The following MOSPD1 variants were observed in gnomAD, a reference collection of about 807,000 sequenced individuals.
MOSPD1 encodes the protein motile sperm domain containing 1.
Under a neutral mutation model 16.7 loss-of-function variants are expected in MOSPD1, and 5 were observed. The ratio of observed to expected loss-of-function variants is 0.30; its 90% CI spans 0.16 to 0.63. The LOEUF is 0.63. Among genes scored for constraint, MOSPD1 ranks in the 30% least tolerant of loss-of-function variants. The pLI is 0.82. For synonymous variants in MOSPD1, 67 were observed against 59.2 expected (o/e 1.13, Z -0.61); for missense variants, 104 against 153.6 (o/e 0.68, Z 1.71).
At chrX:134,899,198 T>G in intron 2 of MOSPD1, 33 bp from the exon 3 acceptor site, 1 of 1,143,004 alleles carries the variant, frequency 8.7e-7, no homozygotes, top group Non-Finnish European at 1.2e-6. Flanking sequence ...CCATTAGTGT[T>G]TTTTTTTTTT....
intron 1 of MOSPD1, among the ~76,000 whole-genome samples, chrX:134,906,978 T>C (rs1372420375): frequency 9.0e-6 from 1 of 111,300 alleles, no homozygotes; most frequent in African/African-American, 3.3e-5. Context: ...CCTGTAATCC[T>C]AGCACTTTGG....
intron 4 of MOSPD1, 120 bp downstream of exon 4, chrX:134,896,697 T>G: frequency 1.9e-6 from 1 of 527,287 alleles, no homozygotes; most frequent in Non-Finnish European, 3.1e-6. Context: ...AGTTTTGAAG[T>G]AGTTGACCAT....
intron 1 of MOSPD1, among the ~76,000 whole-genome samples, chrX:134,909,033 C>T (rs3795183): frequency 0.095 from 10,453 of 109,919 alleles, 380 homozygotes; most frequent in Non-Finnish European, 0.11. Context: ...TTTGGAAGGC[C>T]GAGGCGGGCG....
At chrX:134,905,079 GCCGGGCGCGGTGGCTCAC>G (rs2082934365) in intron 1 of MOSPD1, among the ~76,000 whole-genome samples, 1 of 105,350 alleles carries the variant, frequency 9.5e-6, no homozygotes, top group African/African-American at 3.3e-5. Context: ...GGGAGATAAG[GCCGGGCGCGGTGGCTCAC>G]GCCTGTAATC....
chrX:134,911,772 T>TACTGCTAAAGTAAGAC (rs1220289892), intron 1 of MOSPD1, among the ~76,000 whole-genome samples: 1 of 112,229 alleles, frequency 8.9e-6, no homozygotes, highest in Non-Finnish European at 1.9e-5. Flanking sequence ...CTAACCAAGG[T>TACTGCTAAAGTAAGAC]ACTGCTAAAG....
At chrX:134,905,187 G>A (rs1450755873) in intron 1 of MOSPD1, among the ~76,000 whole-genome samples, 1 of 106,486 alleles carries the variant, frequency 9.4e-6, no homozygotes, top group Non-Finnish European at 1.9e-5. Flanking sequence ...GTGAAACCCT[G>A]TCTCTACTAA....
intron 3 of MOSPD1, among the ~76,000 whole-genome samples, chrX:134,897,577 A>G (rs868809897): frequency 2.0e-4 from 20 of 98,312 alleles, no homozygotes; most frequent in African/African-American, 5.4e-4. Context: ...AAGAAAGAAA[A>G]AAAATTCTCT....
intron 1 of MOSPD1, among the ~76,000 whole-genome samples, chrX:134,900,218 G>A (rs953405686): frequency 5.4e-5 from 6 of 111,753 alleles, no homozygotes; most frequent in East Asian, 2.8e-4. Flanking sequence ...ATTAAGTATC[G>A]TCACAACTGA....
chrX:134,906,012 CTT>C (rs2082939243), intron 1 of MOSPD1, among the ~76,000 whole-genome samples: 1 of 110,922 alleles, frequency 9.0e-6, no homozygotes, highest in Admixed American at 9.7e-5. Flanking sequence ...AGTAGAAATT[CTT>C]TTTCTTTTAA....
At chrX:134,913,037 G>C (rs775907988) in intron 1 of MOSPD1, among the ~76,000 whole-genome samples, 26 of 110,676 alleles carry the variant, frequency 2.3e-4, no homozygotes, top group Non-Finnish European at 4.5e-4. Context: ...TCAGGAGTTC[G>C]AGACCAGCCT....
chrX:134,896,706 A>G (rs934153004), intron 4 of MOSPD1, 111 bp downstream of exon 4: 1 of 561,807 alleles, frequency 1.8e-6, no homozygotes, highest in Non-Finnish European at 2.9e-6. Flanking sequence ...GTAGTTGACC[A>G]TGTTTGAAGT....
rs1244823778 is a variant in MOSPD1 at position 134,888,393 on chromosome X, C to T, written c.*768G>A. 1.8e-5 allele frequency: 2 copies of T among 111,376 alleles called. No homozygotes were observed. The highest frequency in any genetic ancestry group is 6.5e-5 in the African/African-American group (2 of 30,602). The allele number at this position is 111,376 out of a possible 1,213,427, so 9.2% of individuals were successfully genotyped here. On this transcript the variant is annotated 3_prime_UTR_variant, in exon 6 of 6. Coordinates refer to ENST00000370783, the MANE Select transcript of MOSPD1 (RefSeq NM_019556.3). Reference sequence around the variant, plus strand: ...TGGAAGAAAAGATAAAGTGATTTTTCCTTCCTATTAACACAAAGCATTAAC... The same window carrying T: ...TGGAAGAAAAGATAAAGTGATTTTTTCTTCCTATTAACACAAAGCATTAAC...
chrX:134,895,602 G>A (rs1293625583), intron 4 of MOSPD1, among the ~76,000 whole-genome samples: 1 of 111,218 alleles, frequency 9.0e-6, no homozygotes, highest in Admixed American at 9.6e-5. Flanking sequence ...ACTAGAGGAA[G>A]TATTTTAAAA....
At chrX:134,909,570 C>A (rs1032179607) in intron 1 of MOSPD1, among the ~76,000 whole-genome samples, 3 of 111,863 alleles carry the variant, frequency 2.7e-5, no homozygotes, top group African/African-American at 9.7e-5. Context: ...TTGTTAAGAG[C>A]GATATGTTAT....
intron 1 of MOSPD1, among the ~76,000 whole-genome samples, chrX:134,903,095 T>C (rs1213759073): frequency 9.1e-6 from 1 of 109,682 alleles, no homozygotes; most frequent in African/African-American, 3.3e-5. Context: ...CACAAAATTA[T>C]ATGCACCATC....
At chrX:134,909,746 A>T (rs1279792750) in intron 1 of MOSPD1, among the ~76,000 whole-genome samples, 1 of 111,520 alleles carries the variant, frequency 9.0e-6, no homozygotes, top group Non-Finnish European at 1.9e-5. Flanking sequence ...TTTAATGTTC[A>T]TTGCTTAATA....
chrX:134,903,778 C>T (rs1324388773), intron 1 of MOSPD1, among the ~76,000 whole-genome samples: 1 of 109,340 alleles, frequency 9.1e-6, no homozygotes, highest in Non-Finnish European at 1.9e-5. Context: ...CGGTGGCTCA[C>T]GCCTGTAATC....
At chrX:134,897,129 C>G (rs2082889020) in intron 3 of MOSPD1, 95 bp from the exon 4 acceptor site, 1 of 550,891 alleles carries the variant, frequency 1.8e-6, no homozygotes. Context: ...ACAATATTAA[C>G]TGACTACAAC....
chrX:134,909,906 A>T (rs55803302), intron 1 of MOSPD1, among the ~76,000 whole-genome samples: 317 of 47,480 alleles, frequency 6.7e-3, no homozygotes, highest in African/African-American at 0.027. Context: ...TAAGATTTTT[A>T]AAAAAAAGAA....
Sources: allele counts gnomAD v4.1 joint callset (sites outside exome capture counted in the v4.1 genomes callset), GRCh38; gene constraint gnomAD v4.1.1; transcripts MANE v1.5; gene names NCBI Gene and HGNC (gene_info 2026-07-23, HGNC 2026-07-21).